Variants in SPRYD4 observed in about 807,000 individuals in gnomAD.
SPRYD4 encodes SPRY domain-containing protein 4.
Under a neutral mutation model 16.6 loss-of-function variants are expected in SPRYD4, and 12 were observed. That is an observed-to-expected ratio of 0.72 (90% CI 0.46 to 1.17). The LOEUF is 1.17. SPRYD4 is among the 50% of genes most tolerant of loss of function. SPRYD4 has a pLI of 0.00. For missense variants in SPRYD4, 260 were observed against 260.2 expected (o/e 1.00, Z 0.00); for synonymous variants, 98 against 105.4 (o/e 0.93, Z 0.43).
chr12:56,469,114 A>G lies in SPRYD4; in HGVS notation c.161A>G (p.Tyr54Cys). 1.2e-6 allele frequency: 2 copies of G among 1,613,404 alleles called. No individual in the cohort carries two copies. The highest frequency in any genetic ancestry group is 1.7e-6 in the Non-Finnish European group (2 of 1,179,592). The change falls in exon 2 of 2, where the codon TAT becomes TGT. Residue 54 changes from tyrosine (Y) to cysteine (C), a missense_variant. Coordinates refer to ENST00000338146, the MANE Select transcript of SPRYD4 (RefSeq NM_207344.4). The part of the protein sequence containing the change: ...ALFRDDTGVK[Y>C]GLVGLEPTKV... ...TTCAGAGATGATACGGGTGTCAAAT[A>G]TGGCTTGGTGGGATTGGAGCCCACC... is the stretch of plus-strand genomic sequence containing the variant.
rs1346970389 is a variant in SPRYD4 at position 56,479,340 on chromosome 12, A to G, written c.*9763A>G. On this transcript the variant is annotated 3_prime_UTR_variant, in exon 2 of 2. Transcript: ENST00000338146. ...AAATCAGTTTACCTTTCTAGGTCTTAGTTTCCGTACCTCTAAAATGAGGGG... is the reference window on the plus strand; with the variant it reads ...AAATCAGTTTACCTTTCTAGGTCTTGGTTTCCGTACCTCTAAAATGAGGGG... 1.7e-5 allele frequency: 14 copies of G among 817,370 alleles called. No individual in the cohort carries two copies. The highest frequency in any genetic ancestry group is 2.5e-5 in the Non-Finnish European group (14 of 551,906). The allele number at this position is 817,370 out of a possible 1,614,324, so 50.6% of individuals were successfully genotyped here.
Position 56,473,264 on chromosome 12 carries a change from C to T in SPRYD4, c.*3687C>T. The T allele has an allele frequency of 6.2e-7, 1 of 1,614,106 alleles. No homozygotes were observed. Among genetic ancestry groups the T allele is most frequent in the Non-Finnish European group, 8.5e-7 (1 of 1,180,032 alleles). ...CCCCTTCACGCCGTGGGTCTAACTT[C>T]CGAGCACAGTGCCTCAGGTTGTCAT... On this transcript the variant is annotated 3_prime_UTR_variant, in exon 2 of 2. Coordinates refer to ENST00000338146, the MANE Select transcript of SPRYD4 (RefSeq NM_207344.4).
In SPRYD4 at chr12:56,475,833, C is replaced by CT; in HGVS notation, c.*6257dup. 1 of 1,408,488 alleles carries CT rather than the reference C, an allele frequency of 7.1e-7. No individual in the cohort carries two copies. The highest frequency in any genetic ancestry group is 1.0e-6 in the Non-Finnish European group (1 of 996,334). The allele number at this position is 1,408,488 out of a possible 1,614,324, so 87.2% of individuals were successfully genotyped here. On this transcript the variant is annotated 3_prime_UTR_variant, in exon 2 of 2. Coordinates refer to ENST00000338146, the MANE Select transcript of SPRYD4 (RefSeq NM_207344.4). Reference sequence around the variant, plus strand: ...TTCCACATTTCTGGAAATAAGGCTTCTAGTATGGGCTGGTGCACCTGGTAG... The same window carrying CT: ...TTCCACATTTCTGGAAATAAGGCTTCTTAGTATGGGCTGGTGCACCTGGTAG...
chr12:56,470,008 A>C lies in SPRYD4; in HGVS notation c.*431A>C. 1.2e-5 allele frequency: 2 copies of C among 169,066 alleles called. No homozygotes were observed. Among genetic ancestry groups the C allele is most frequent in the East Asian group, 1.6e-4 (1 of 6,400 alleles). The allele number at this position is 169,066 out of a possible 1,614,324, so 10.5% of individuals were successfully genotyped here. The stretch of plus-strand genomic sequence containing the variant: ...GATGGCTGAAGAGTAAATCCTTTCT[A>C]CCTCTGGCTGAAGGAGTGGTGCAGT... On this transcript the variant is annotated 3_prime_UTR_variant, in exon 2 of 2. Transcript: ENST00000338146.
Position 56,477,909 on chromosome 12 carries a change from G to C in SPRYD4, c.*8332G>C, listed in dbSNP as rs774104105. On this transcript the variant is annotated 3_prime_UTR_variant, in exon 2 of 2. Transcript: ENST00000338146. The stretch of plus-strand genomic sequence containing the variant: ...AGGAGAAGGGGACAGCTGTAAGTAC[G>C]GTCTGAGCCTTGGTAGTGCTCACCT... The C allele has an allele frequency of 6.2e-7, 1 of 1,605,228 alleles. No individual in the cohort carries two copies. Among genetic ancestry groups the C allele is most frequent in the Admixed American group, 1.7e-5 (1 of 59,456 alleles).
chr12:56,470,910 A>G lies in SPRYD4; in HGVS notation c.*1333A>G, dbSNP rs1869207851. 6.5e-6 allele frequency: 1 copy of G among 153,292 alleles called. No individual in the cohort carries two copies. The highest frequency in any genetic ancestry group is 6.7e-5 in the Admixed American group (1 of 14,970). The allele number at this position is 153,292 out of a possible 1,614,324, so 9.5% of individuals were successfully genotyped here. A position where few individuals can be genotyped will look rare whatever the true frequency, so the allele number is the denominator to read the frequency against. ...TACCTTCTATGATGGTGATGAAGCT[A>G]GATACCCCTAGGGAAGAAAGAAGGA... On this transcript the variant is annotated 3_prime_UTR_variant, in exon 2 of 2. Coordinates refer to ENST00000338146, the MANE Select transcript of SPRYD4 (RefSeq NM_207344.4).
In SPRYD4 at chr12:56,477,516, C is replaced by T; in HGVS notation, c.*7939C>T. The T allele has an allele frequency of 4.0e-6, 3 of 748,526 alleles. No individual in the cohort carries two copies. The highest frequency in any genetic ancestry group is 6.8e-6 in the Non-Finnish European group (3 of 443,368). The allele number at this position is 748,526 out of a possible 1,614,324, so 46.4% of individuals were successfully genotyped here. ...CATTGTCAGCATAACATGTGGGTCC[C>T]TGCTGTGCCTCATGTGCCTTCTGGG... On this transcript the variant is annotated 3_prime_UTR_variant, in exon 2 of 2. Coordinates refer to ENST00000338146, the MANE Select transcript of SPRYD4 (RefSeq NM_207344.4).
At chr12:56,468,849 A>G in intron 1 of SPRYD4, 173 bp downstream of exon 1, 4 of 1,019,956 alleles carry the variant, frequency 3.9e-6, no homozygotes, top group Non-Finnish European at 5.6e-6. Flanking sequence ...TCCGGGACTT[A>G]CTCAATCCGA....
rs775231560 is a variant in SPRYD4 at position 56,474,725 on chromosome 12, G to A, written c.*5148G>A. The A allele has an allele frequency of 6.2e-7, 1 of 1,608,244 alleles. No homozygotes were observed. Among genetic ancestry groups the A allele is most frequent in the Admixed American group, 1.7e-5 (1 of 59,658 alleles). On this transcript the variant is annotated 3_prime_UTR_variant, in exon 2 of 2. Transcript: ENST00000338146. ...AGTGACCTCCACAGAACACAGCTAT[G>A]AAAACAAAGAATAGGTGAAGATGTG...
rs1363630635 is a variant in SPRYD4, at chr12:56,475,655, C to T, written c.*6078C>T. ...TTGCTGAAACCCATGTATTCATTCC[C>T]AGCCATTTTGTTGAGATACTGCAAC... On this transcript the variant is annotated 3_prime_UTR_variant, in exon 2 of 2. Transcript: ENST00000338146. 3.1e-6 allele frequency: 5 copies of T among 1,614,048 alleles called. No individual in the cohort carries two copies. Among genetic ancestry groups the T allele is most frequent in the Non-Finnish European group, 4.2e-6 (5 of 1,180,038 alleles).
rs1869878850 is a variant in SPRYD4, at chr12:56,476,915, C to T, written c.*7338C>T. On this transcript the variant is annotated 3_prime_UTR_variant, in exon 2 of 2. Transcript: ENST00000338146. ...GGCCTCTATATTTTTTAAAAAAGGTCCTACTTAGATGGGAATGGGATGAGG... is the reference window on the plus strand; with the variant it reads ...GGCCTCTATATTTTTTAAAAAAGGTTCTACTTAGATGGGAATGGGATGAGG... 6.6e-6 allele frequency: 1 copy of T among 152,024 alleles called. No individual in the cohort carries two copies. Among genetic ancestry groups the T allele is most frequent in the South Asian group, 2.1e-4 (1 of 4,808 alleles). 9.4% of individuals were successfully genotyped at this position (152,024 alleles called of 1,614,324 possible). A position where few individuals can be genotyped will look rare whatever the true frequency, so the allele number is the denominator to read the frequency against.
chr12:56,475,861 G>A lies in SPRYD4; in HGVS notation c.*6284G>A, dbSNP rs1468969681. 1 of 1,483,214 alleles carries A rather than the reference G, an allele frequency of 6.7e-7. No homozygotes were observed. Among genetic ancestry groups the A allele is most frequent in the East Asian group, 2.3e-5 (1 of 44,212 alleles). The allele number at this position is 1,483,214 out of a possible 1,614,324, so 91.9% of individuals were successfully genotyped here. A position where few individuals can be genotyped will look rare whatever the true frequency, so the allele number is the denominator to read the frequency against. ...GTATGGGCTGGTGCACCTGGTAGTG[G>A]GGTTAGAGAGCCACTGGGGCAGCTG... On this transcript the variant is annotated 3_prime_UTR_variant, in exon 2 of 2. Transcript: ENST00000338146.
In SPRYD4 at chr12:56,474,619, A is replaced by G. The variant is rs529479638; in HGVS notation, c.*5042A>G. 5 of 1,614,104 alleles carry G rather than the reference A, an allele frequency of 3.1e-6. No individual in the cohort carries two copies. The South Asian group carries it at 4.4e-5, about 14-fold the overall frequency. ...GGCTGAGGGTGTTGCGCACTGCTTC[A>G]GCACTCAGCACACTCTCGCCTGTGA... On this transcript the variant is annotated 3_prime_UTR_variant, in exon 2 of 2. Transcript: ENST00000338146.
Position 56,475,294 on chromosome 12 carries a change from G to A in SPRYD4, c.*5717G>A, listed in dbSNP as rs550511403. 1.7e-5 allele frequency: 25 copies of A among 1,456,990 alleles called. No homozygotes were observed. In the Middle Eastern group the frequency reaches 9.0e-4, roughly 53 times the overall value. The allele number at this position is 1,456,990 out of a possible 1,614,324, so 90.3% of individuals were successfully genotyped here. On this transcript the variant is annotated 3_prime_UTR_variant, in exon 2 of 2. Transcript: ENST00000338146. The stretch of plus-strand genomic sequence containing the variant: ...CTGAGCAAACACTCAGCATAGTTTT[G>A]TTATAAAGTAAACCCAAACCAAACA...
chr12:56,468,791 C>A, intron 1 of SPRYD4, 115 bp downstream of exon 1: 1 of 1,225,384 alleles, frequency 8.2e-7, no homozygotes. Flanking sequence ...CCCCACCTGC[C>A]TTGGTCTTAA....
chr12:56,475,954 C>T lies in SPRYD4; in HGVS notation c.*6377C>T, dbSNP rs1869771604. ...TAGCAAGGGAACTTACAAAATCAAA[C>T]TTCTCTGCTTTGTTACAGTCCATCT... On this transcript the variant is annotated 3_prime_UTR_variant, in exon 2 of 2. Coordinates refer to ENST00000338146, the MANE Select transcript of SPRYD4 (RefSeq NM_207344.4). The T allele has an allele frequency of 6.2e-7, 1 of 1,613,780 alleles. No homozygotes were observed. Among genetic ancestry groups the T allele is most frequent in the South Asian group, 1.1e-5 (1 of 91,080 alleles).
At position 56,475,502 on chromosome 12, in the gene SPRYD4, C is replaced by A; in HGVS notation, c.*5925C>A. On this transcript the variant is annotated 3_prime_UTR_variant, in exon 2 of 2. Coordinates refer to ENST00000338146, the MANE Select transcript of SPRYD4 (RefSeq NM_207344.4). ...AAGGGACTCAGAGGAAGCTGGAGGG[C>A]CAAAGTTCCCCTGGGATTTCTTCCT... 1 of 1,038,380 alleles carries A rather than the reference C, an allele frequency of 9.6e-7. No homozygotes were observed. The highest frequency in any genetic ancestry group is 1.4e-6 in the Non-Finnish European group (1 of 700,542). The allele number at this position is 1,038,380 out of a possible 1,614,324, so 64.3% of individuals were successfully genotyped here. A position where few individuals can be genotyped will look rare whatever the true frequency, so the allele number is the denominator to read the frequency against.
Position 56,476,558 on chromosome 12 carries a change from AG to A in SPRYD4, c.*6982del, listed in dbSNP as rs1311267065. On this transcript the variant is annotated 3_prime_UTR_variant, in exon 2 of 2. Coordinates refer to ENST00000338146, the MANE Select transcript of SPRYD4 (RefSeq NM_207344.4). ...CGCTTGAGACCAGGGGTTTGAGACCAGCCTAGGCAACATAGGAGAGACCCTG... is the reference window on the plus strand; with the variant it reads ...CGCTTGAGACCAGGGGTTTGAGACCACCTAGGCAACATAGGAGAGACCCTG... 1 of 151,528 alleles carries A rather than the reference AG, an allele frequency of 6.6e-6. No homozygotes were observed. Among genetic ancestry groups the A allele is most frequent in the Non-Finnish European group, 1.5e-5 (1 of 68,860 alleles). 9.4% of individuals were successfully genotyped at this position (151,528 alleles called of 1,614,324 possible). A position where few individuals can be genotyped will look rare whatever the true frequency, so the allele number is the denominator to read the frequency against.
rs374992865 is a variant in SPRYD4, at chr12:56,468,619, C to T, written c.28C>T (p.Arg10Cys). The change falls in exon 1 of 2, where the codon CGC (arginine) becomes TGC (cysteine). Residue 10 changes from arginine (R) to cysteine (C), a missense_variant. Coordinates refer to ENST00000338146, the MANE Select transcript of SPRYD4 (RefSeq NM_207344.4). ...GGCGCTGCTTTTTGCACGTTCTTTG[C>T]GCTTGTGCCGCTGGGGAGCCAAACG... MALLFARSLRLCRWGAKRLG... is the reference protein window; with the variant it reads MALLFARSLCLCRWGAKRLG... 2 of 1,613,916 alleles carry T rather than the reference C, an allele frequency of 1.2e-6. No homozygotes were observed. Among genetic ancestry groups the T allele is most frequent in the South Asian group, 1.1e-5 (1 of 91,068 alleles).
Sources: gnomAD v4.1 joint callset for allele counts on GRCh38, gnomAD v4.1.1 for gene constraint, MANE v1.5 for transcripts, NCBI Gene and HGNC (gene_info 2026-07-23, HGNC 2026-07-21) for gene names.